ZRANB3: variants seen among roughly 807,000 people sequenced by gnomAD.
ZRANB3 encodes the protein DNA annealing helicase and endonuclease ZRANB3.
A neutral mutation model predicts 133.8 loss-of-function variants in ZRANB3; 125 were observed. The ratio of observed to expected loss-of-function variants is 0.93; its 90% CI spans 0.81 to 1.08. The LOEUF is 1.08. Ranked by LOEUF, ZRANB3 falls within the 50% of genes least tolerant of loss-of-function variation. ZRANB3 has a pLI of 0.00. For synonymous variants in ZRANB3, 387 were observed against 432.7 expected (o/e 0.89, Z 1.31); for missense variants, 1,229 against 1,275.5 (o/e 0.96, Z 0.56).
chr2:135,233,595 T>C (rs1378167677), intron 12 of ZRANB3, among the ~76,000 whole-genome samples: 1 of 152,232 alleles, frequency 6.6e-6, no homozygotes, highest in East Asian at 1.9e-4. Context: ...AGCGGATCTC[T>C]TGGCAGAAAC....
intron 2 of ZRANB3, among the ~76,000 whole-genome samples, chr2:135,443,631 C>T (rs1399049391): frequency 6.6e-6 from 1 of 152,046 alleles, no homozygotes; most frequent in Non-Finnish European, 1.5e-5. Flanking sequence ...CTGTGGTACT[C>T]TCCCCAAAAG....
At chr2:135,232,454 C>T (rs1019351653) in intron 12 of ZRANB3, among the ~76,000 whole-genome samples, 1 of 152,204 alleles carries the variant, frequency 6.6e-6, no homozygotes, top group Admixed American at 6.5e-5. Flanking sequence ...TAGTGGTTCT[C>T]CCAGCATGCA....
rs574072008 is a variant in ZRANB3 at position 135,265,344 on chromosome 2, A to G, written c.1539+190T>C. On this transcript the variant is annotated intron_variant, in intron 12 of 20. Coordinates refer to ENST00000264159, the MANE Select transcript of ZRANB3 (RefSeq NM_032143.4). ...TTTTATTCAGTTTGTTTATCCGAGG[A>G]GCTGAACAGTAAGTACTAAAACTGT... 9.2e-5 allele frequency among the ~76,000 whole-genome samples: 14 copies of G among 152,224 alleles called. No individual in the cohort carries two copies. The East Asian group carries it at 1.5e-3, about 17-fold the overall frequency.
intron 2 of ZRANB3, among the ~76,000 whole-genome samples, chr2:135,435,822 TTTTTAATGGGG>T (rs1444924856): frequency 6.6e-6 from 1 of 152,182 alleles, no homozygotes; most frequent in African/African-American, 2.4e-5. Context: ...CTTTGCCCAC[TTTTTAATGGGG>T]TTATTTTTCT....
At chr2:135,430,621 C>T (rs1290384247) in intron 2 of ZRANB3, among the ~76,000 whole-genome samples, 2 of 152,038 alleles carry the variant, frequency 1.3e-5, no homozygotes, top group African/African-American at 4.8e-5. Context: ...TATTTCAGCT[C>T]TAAGTAGAGT....
At chr2:135,506,548 C>T (rs991578983) in intron 1 of ZRANB3, among the ~76,000 whole-genome samples, 1 of 152,056 alleles carries the variant, frequency 6.6e-6, no homozygotes, top group Non-Finnish European at 1.5e-5. Flanking sequence ...TGTGCTGTCG[C>T]ATACACCATT....
intron 8 of ZRANB3, among the ~76,000 whole-genome samples, chr2:135,311,534 T>C (rs1191829575): frequency 1.3e-5 from 2 of 150,976 alleles, no homozygotes; most frequent in Non-Finnish European, 2.9e-5. Context: ...TGACTTACAA[T>C]AGTCTAAAAC....
At chr2:135,447,795 T>G (rs765401910) in intron 2 of ZRANB3, among the ~76,000 whole-genome samples, 1 of 152,230 alleles carries the variant, frequency 6.6e-6, no homozygotes, top group Non-Finnish European at 1.5e-5. Flanking sequence ...AAATGACCAG[T>G]CTCTCTTCAC....
At chr2:135,511,777 T>C (rs1693468398) in intron 1 of ZRANB3, 1 of 762,722 alleles carries the variant, frequency 1.3e-6, no homozygotes, top group Admixed American at 1.7e-5. Context: ...TTTCTGTCCA[T>C]AAACTGCATC....
At chr2:135,374,206 A>G (rs986372247) in intron 3 of ZRANB3, among the ~76,000 whole-genome samples, 3 of 152,112 alleles carry the variant, frequency 2.0e-5, no homozygotes, top group African/African-American at 7.2e-5. Context: ...CAGGATTTTG[A>G]GACCACACTA....
chr2:135,417,174 A>G (rs1051229344), intron 2 of ZRANB3, among the ~76,000 whole-genome samples: 1 of 152,204 alleles, frequency 6.6e-6, no homozygotes, highest in African/African-American at 2.4e-5. Context: ...TGAACAGGCA[A>G]CCTACAGAAT....
intron 12 of ZRANB3, among the ~76,000 whole-genome samples, chr2:135,245,272 T>C (rs990833390): frequency 4.6e-5 from 7 of 152,308 alleles, no homozygotes; most frequent in Admixed American, 4.6e-4. Context: ...ATCCATGTCA[T>C]CAACTGTGCT....
Position 135,522,721 on chromosome 2 carries a change from A to C in ZRANB3, c.-8+8406T>G, listed in dbSNP as rs1694000593. Among the ~76,000 whole-genome samples the C allele has an allele frequency of 2.0e-5, 3 of 152,196 alleles. No homozygotes were observed. In the South Asian group the frequency reaches 6.2e-4, roughly 31 times the overall value. On this transcript the variant is annotated intron_variant, in intron 1 of 20. Transcript: ENST00000264159. ...GAGTGAGACTCCATCTCAAAAGAAA[A>C]AGAAAAAAAAAGTTTTAGAAAATCC... is the stretch of plus-strand genomic sequence containing the variant.
At chr2:135,492,721 G>A (rs1249174094) in intron 2 of ZRANB3, among the ~76,000 whole-genome samples, 2 of 151,996 alleles carry the variant, frequency 1.3e-5, no homozygotes, top group African/African-American at 4.8e-5. Context: ...TACACTGAAG[G>A]TGTCTACAGA....
intron 6 of ZRANB3, among the ~76,000 whole-genome samples, chr2:135,343,666 T>A (rs1184389046): frequency 1.3e-5 from 2 of 149,746 alleles, no homozygotes; most frequent in Non-Finnish European, 2.9e-5. Flanking sequence ...TTGTAATATA[T>A]GAAGATTTTC....
chr2:135,307,424 C>G (rs1458618120), intron 8 of ZRANB3, among the ~76,000 whole-genome samples: 1 of 152,174 alleles, frequency 6.6e-6, no homozygotes, highest in African/African-American at 2.4e-5. Context: ...ACTGTGTTTT[C>G]TATTTCTAGC....
rs376882424 is a variant in ZRANB3 at position 135,504,451 on chromosome 2, A to T, written c.39T>A (p.Pro13=). ...ATTCATTTGTCACACAAGAAATGTG[A>T]GGTGTAAGAGACTTTTTTATGTTAT... The part of the protein sequence containing the change: ...RVHNIKKSLT[P]HISCVTNESD... The change falls in exon 2 of 21, where the codon CCT becomes CCA. Residue 13 remains proline (P), a synonymous_variant. Transcript: ENST00000264159. 3 of 1,613,320 alleles carry T rather than the reference A, an allele frequency of 1.9e-6. No homozygotes were observed. Among genetic ancestry groups the T allele is most frequent in the Non-Finnish European group, 2.5e-6 (3 of 1,179,678 alleles).
intron 2 of ZRANB3, among the ~76,000 whole-genome samples, chr2:135,415,383 C>T (rs951876910): frequency 2.0e-5 from 3 of 152,080 alleles, no homozygotes; most frequent in African/African-American, 7.2e-5. Context: ...CCTTGACACA[C>T]ACACTTTCCC....
At chr2:135,411,013 C>A (rs1688277922) in intron 2 of ZRANB3, among the ~76,000 whole-genome samples, 1 of 152,098 alleles carries the variant, frequency 6.6e-6, no homozygotes, top group Non-Finnish European at 1.5e-5. Context: ...CCAATGTGGG[C>A]AGACTGCTTG....
Sources: allele counts gnomAD v4.1 joint callset (sites outside exome capture counted in the v4.1 genomes callset), GRCh38; gene constraint gnomAD v4.1.1; transcripts MANE v1.5; gene names NCBI Gene and HGNC (gene_info 2026-07-23, HGNC 2026-07-21).